The following INPP5D variants were observed in gnomAD, a reference collection of about 807,000 sequenced individuals.
INPP5D encodes the protein phosphatidylinositol 3,4,5-trisphosphate 5-phosphatase 1.
A neutral mutation model predicts 122.9 loss-of-function variants in INPP5D; 33 were observed. The observed-to-expected ratio is 0.27, with a 90% confidence interval of 0.20 to 0.36. INPP5D has a LOEUF of 0.36. Ranked by LOEUF, INPP5D falls within the 10% of genes least tolerant of loss-of-function variation. The probability of loss-of-function intolerance (pLI) is 1.00; values close to 1 mark genes in which losing one functional copy is unlikely to be tolerated. For synonymous variants in INPP5D, 584 were observed against 576.2 expected, an observed-to-expected ratio of 1.01 and a Z score of -0.19; for missense variants, 1,053 against 1,412.7, an observed-to-expected ratio of 0.75 and a Z score of 4.08.
chr2:233,122,002 C>A, intron 2 of INPP5D, 105 bp from the exon 3 acceptor site: 3 of 1,322,890 alleles, frequency 2.3e-6, no homozygotes, highest in Non-Finnish European at 2.1e-6. Flanking sequence ...TCCTGGATCG[C>A]AGTCACTCCC....
intron 2 of INPP5D, among the ~76,000 whole-genome samples, chr2:233,099,262 C>G (rs985141458): frequency 6.6e-6 from 1 of 152,126 alleles, no homozygotes; most frequent in Non-Finnish European, 1.5e-5. Flanking sequence ...AGACTTGGAA[C>G]TTTAGATTGT....
At chr2:233,187,103 G>A (rs1178696216) in intron 21 of INPP5D, among the ~76,000 whole-genome samples, 1 of 152,018 alleles carries the variant, frequency 6.6e-6, no homozygotes, top group African/African-American at 2.4e-5. Context: ...AGGATAACCT[G>A]AGCCTAGGAG....
At chr2:233,149,423 G>A (rs189681474) in intron 9 of INPP5D, among the ~76,000 whole-genome samples, 4 of 152,146 alleles carry the variant, frequency 2.6e-5, no homozygotes, top group South Asian at 4.1e-4. Context: ...TAATAAAGTC[G>A]TATGCACTAA....
chr2:233,189,809 C>A lies in INPP5D; in HGVS notation c.2359-41C>A. On this transcript the variant is annotated intron_variant, in intron 21 of 26. Transcript: ENST00000445964. This position sits in a 1 kb window ranked among gnomAD's most constrained non-coding sequence, Gnocchi z 5.6. The stretch of plus-strand genomic sequence containing the variant: ...CCACCCACCTGTCCCCTCACCTGTC[C>A]CTTGCCCATCAACTCCAGTCCTGTG... The A allele has an allele frequency of 6.2e-7, 1 of 1,605,228 alleles. No homozygotes were observed. The highest frequency in any genetic ancestry group is 8.5e-7 in the Non-Finnish European group (1 of 1,176,096).
In INPP5D at chr2:233,064,376, C is replaced by T. The variant is rs540949676; in HGVS notation, c.134+3764C>T. On this transcript the variant is annotated intron_variant, in intron 1 of 26. Coordinates refer to ENST00000445964, the MANE Select transcript of INPP5D (RefSeq NM_001017915.3). ...GGCCTTCCACAGGCCACCCAGGCAC[C>T]ATGGCAGGGTCTTGCTTACCCCTTC... 2.6e-5 allele frequency among the ~76,000 whole-genome samples: 4 copies of T among 152,364 alleles called. No homozygotes were observed. The South Asian group carries it at 8.3e-4, about 32-fold the overall frequency.
chr2:233,130,406 G>A, intron 4 of INPP5D, 102 bp from the exon 5 acceptor site: 2 of 1,282,176 alleles, frequency 1.6e-6, no homozygotes, highest in African/African-American at 1.5e-5. Context: ...CCCCTTGGAG[G>A]CTCTGAGGAT....
chr2:233,149,259 G>A (rs150889436), intron 9 of INPP5D, among the ~76,000 whole-genome samples: 77,428 of 151,608 alleles, frequency 0.51, 20,488 homozygotes, highest in East Asian at 0.66. Context: ...CCACCACCAC[G>A]CCCAGCTATT....
rs1402393224 is a variant in INPP5D, at chr2:233,207,434, G to A, written c.*726G>A. On this transcript the variant is annotated 3_prime_UTR_variant, in exon 27 of 27. Coordinates refer to ENST00000445964, the MANE Select transcript of INPP5D (RefSeq NM_001017915.3). The surrounding 1 kb of genome is among the most constrained non-coding windows in gnomAD (Gnocchi z 4.6). ...TGGCTTCTCAGTTCTTTGGTTGGAA[G>A]GAGCAGGAAATCAGCTCCTATTCTC... The A allele has an allele frequency of 6.6e-6, 1 of 152,510 alleles. No individual in the cohort carries two copies. The highest frequency in any genetic ancestry group is 1.5e-5 in the Non-Finnish European group (1 of 68,086). 9.4% of individuals were successfully genotyped at this position (152,510 alleles called of 1,614,324 possible). A position where few individuals can be genotyped will look rare whatever the true frequency, so the allele number is the denominator to read the frequency against.
intron 19 of INPP5D, 85 bp downstream of exon 19, chr2:233,182,584 C>T (rs575236091): frequency 3.9e-5 from 61 of 1,580,094 alleles, no homozygotes; most frequent in Admixed American, 1.2e-4. Flanking sequence ...AGTCAGTGGT[C>T]TGCATTAGAG....
intron 2 of INPP5D, among the ~76,000 whole-genome samples, chr2:233,099,904 A>G (rs1175825059): frequency 2.6e-5 from 4 of 152,194 alleles, no homozygotes; most frequent in Non-Finnish European, 5.9e-5. Context: ...AGGCCTTACA[A>G]TCATGGCGGA....
In INPP5D at chr2:233,071,921, C is replaced by G. The variant is rs140571942; in HGVS notation, c.135-7414C>G. Reference sequence around the variant, plus strand: ...TTCTCTGGGATTTTCTTGTTTGACTCTCATGTTTGACTCTCGTGTCATCTA... The same window carrying G: ...TTCTCTGGGATTTTCTTGTTTGACTGTCATGTTTGACTCTCGTGTCATCTA... On this transcript the variant is annotated intron_variant, in intron 1 of 26. Transcript: ENST00000445964. Among the ~76,000 whole-genome samples the G allele has an allele frequency of 2.2e-3, 328 of 152,264 alleles. 1 individual carries two copies. Among genetic ancestry groups the G allele is most frequent in the African/African-American group, 7.5e-3 (312 of 41,550 alleles).
intron 18 of INPP5D, among the ~76,000 whole-genome samples, chr2:233,179,655 A>G (rs1436446072): frequency 6.6e-6 from 1 of 152,202 alleles, no homozygotes; most frequent in Non-Finnish European, 1.5e-5. Flanking sequence ...GGGAGGTGAC[A>G]GGAAGATTAA....
intron 2 of INPP5D, among the ~76,000 whole-genome samples, chr2:233,106,106 C>T (rs1255012025): frequency 3.3e-5 from 5 of 152,160 alleles, no homozygotes; most frequent in East Asian, 3.8e-4. Flanking sequence ...AGGAAGACCC[C>T]GGGGGAAAGT....
intron 9 of INPP5D, among the ~76,000 whole-genome samples, chr2:233,157,749 ATT>A (rs36156693): frequency 7.1e-5 from 10 of 141,738 alleles, no homozygotes; most frequent in East Asian, 5.9e-4. Context: ...TAATCTAAGC[ATT>A]TTTTTTTTTT....
chr2:233,176,356 G>GATGGATGA (rs59316189), intron 17 of INPP5D, among the ~76,000 whole-genome samples: 75,570 of 138,656 alleles, frequency 0.55, 21,049 homozygotes, highest in East Asian at 0.74. Context: ...TGGATGGATG[G>GATGGATGA]ATAGGCGAAT....
chr2:233,121,665 G>T (rs1692983056), intron 2 of INPP5D, among the ~76,000 whole-genome samples: 1 of 151,588 alleles, frequency 6.6e-6, no homozygotes, highest in Admixed American at 6.6e-5. Context: ...ACAGGCACCT[G>T]CCACCACGCC....
In INPP5D at chr2:233,170,452, C is replaced by A. The variant is rs1440365342; in HGVS notation, c.1792-44C>A. ...GCCCCGAAGCTTGTCAGGCCTGGAT[C>A]AGCAGGGCTTCTCACCAGAGGCCCG... is the stretch of plus-strand genomic sequence containing the variant. On this transcript the variant is annotated intron_variant, in intron 15 of 26. Coordinates refer to ENST00000445964, the MANE Select transcript of INPP5D (RefSeq NM_001017915.3). This position sits in a 1 kb window ranked among gnomAD's most constrained non-coding sequence, Gnocchi z 4.5. 1.2e-6 allele frequency: 2 copies of A among 1,612,348 alleles called. No homozygotes were observed. The highest frequency in any genetic ancestry group is 1.3e-5 in the African/African-American group (1 of 74,898).
intron 9 of INPP5D, among the ~76,000 whole-genome samples, chr2:233,157,995 G>A (rs1392022094): frequency 6.6e-6 from 1 of 152,132 alleles, no homozygotes; most frequent in Non-Finnish European, 1.5e-5. Context: ...AGAAAGGAGG[G>A]AGGGAGAAGA....
intron 17 of INPP5D, 135 bp downstream of exon 17, chr2:233,171,287 T>C: frequency 3.7e-6 from 5 of 1,357,848 alleles, no homozygotes; most frequent in East Asian, 5.1e-5. Flanking sequence ...AAAGCACATG[T>C]TGATTTGTGT....
Sources: allele counts gnomAD v4.1 joint callset (sites outside exome capture counted in the v4.1 genomes callset), GRCh38; gene constraint gnomAD v4.1.1; non-coding constraint Gnocchi (gnomAD v3.1); transcripts MANE v1.5; gene names NCBI Gene and HGNC (gene_info 2026-07-23, HGNC 2026-07-21).